WDR33: variants seen among roughly 807,000 people sequenced by gnomAD.
The protein encoded by WDR33 is pre-mRNA 3' end processing protein WDR33.
A neutral mutation model predicts 164.9 loss-of-function variants in WDR33; 47 were observed. That is an observed-to-expected ratio of 0.29 (90% CI 0.23 to 0.36). WDR33 has a LOEUF of 0.36. Ranked by LOEUF, WDR33 falls within the 10% of genes least tolerant of loss-of-function variation. The pLI, the probability that WDR33 is intolerant of heterozygous loss-of-function variation, is 1.00. For missense variants in WDR33, 1,137 were observed against 1,754.1 expected (o/e 0.65, Z 6.28); for synonymous variants, 505 against 589.0 (o/e 0.86, Z 2.06).
At position 127,764,735 on chromosome 2, in the gene WDR33, C is replaced by CA. The variant is rs770200968; in HGVS notation, c.626+92dup. ...GTGCAGAAAGTTTCCCAGAAACTGA[C>CA]AGAGCCCATGCATCTCTGCACCCAG... On this transcript the variant is annotated intron_variant, in intron 6 of 21. Coordinates refer to ENST00000322313, the MANE Select transcript of WDR33 (RefSeq NM_018383.5). The surrounding 1 kb of genome is among the most constrained non-coding windows in gnomAD (Gnocchi z 6.2). 1 of 1,614,116 alleles carries CA rather than the reference C, an allele frequency of 6.2e-7. No homozygotes were observed. The highest frequency in any genetic ancestry group is 8.5e-7 in the Non-Finnish European group (1 of 1,180,004).
chr2:127,795,079 T>G (rs189217585), intron 1 of WDR33, among the ~76,000 whole-genome samples: 4 of 150,716 alleles, frequency 2.7e-5, no homozygotes, highest in Non-Finnish European at 1.5e-5. Flanking sequence ...ACAAGGGAAG[T>G]AAGTTATGAA....
chr2:127,709,782 T>C lies in WDR33; in HGVS notation c.3383A>G (p.Glu1128Gly), dbSNP rs1686110493. 6.2e-7 allele frequency: 1 copy of C among 1,614,178 alleles called. No individual in the cohort carries two copies. The highest frequency in any genetic ancestry group is 1.1e-5 in the South Asian group (1 of 91,082). ...AAAATTCTCCTCTGGACCAAAGTCT[T>C]CAGGACCAGGAAAACCATCCCTTCC... Reference protein sequence around the residue: ...PRGRDGFPGPEDFGPEENFDA... With the variant: ...PRGRDGFPGPGDFGPEENFDA... Residue 1128 changes from glutamate to glycine, a missense_variant, in exon 19 of 22, where the codon GAA (glutamate) becomes GGA (glycine). Physicochemically the swap from Glu to Gly is moderately conservative, Grantham distance 98. Around this residue, in one of 9 missense-constraint regions of WDR33, gnomAD observed 867 missense variants for 1,073.0 expected, o/e 0.81. Coordinates refer to ENST00000322313, the MANE Select transcript of WDR33 (RefSeq NM_018383.5). The surrounding 1 kb of genome is among the most constrained non-coding windows in gnomAD (Gnocchi z 5.0).
chr2:127,777,046 G>A (rs928424216), intron 1 of WDR33, among the ~76,000 whole-genome samples: 10 of 152,216 alleles, frequency 6.6e-5, no homozygotes, highest in African/African-American at 2.2e-4. Flanking sequence ...GAGACAAAGA[G>A]TTTGGGAAAG....
At chr2:127,733,226 C>T (rs1443180534) in intron 7 of WDR33, among the ~76,000 whole-genome samples, 1 of 152,078 alleles carries the variant, frequency 6.6e-6, no homozygotes, top group Non-Finnish European at 1.5e-5. Context: ...GATAAAATTC[C>T]GAACAGCACC....
At chr2:127,728,129 A>G (rs1294120181) in intron 7 of WDR33, among the ~76,000 whole-genome samples, 1 of 152,192 alleles carries the variant, frequency 6.6e-6, no homozygotes, top group Non-Finnish European at 1.5e-5. Context: ...TTAGGAAATA[A>G]TGGATGTGCA....
intron 7 of WDR33, among the ~76,000 whole-genome samples, chr2:127,732,296 G>C (rs575741486): frequency 6.6e-6 from 1 of 151,724 alleles, no homozygotes; most frequent in South Asian, 2.1e-4. Flanking sequence ...CTATACTCTT[G>C]AACTTTTTTC....
At position 127,718,820 on chromosome 2, in the gene WDR33, C is replaced by G. The variant is rs1490474913; in HGVS notation, c.2760+445G>C. 6.6e-6 allele frequency among the ~76,000 whole-genome samples: 1 copy of G among 152,122 alleles called. No homozygotes were observed. The highest frequency in any genetic ancestry group is 2.4e-5 in the African/African-American group (1 of 41,422). ...TCCTATCTTTTAAAAGTAGAGTTGG[C>G]AGACAGGAAGTGATTCTGTGGCTGG... is the stretch of plus-strand genomic sequence containing the variant. On this transcript the variant is annotated intron_variant, in intron 16 of 21. Coordinates refer to ENST00000322313, the MANE Select transcript of WDR33 (RefSeq NM_018383.5). The surrounding 1 kb of genome is among the most constrained non-coding windows in gnomAD (Gnocchi z 4.4).
intron 7 of WDR33, among the ~76,000 whole-genome samples, chr2:127,753,246 A>C (rs1418710488): frequency 6.6e-6 from 1 of 152,234 alleles, no homozygotes; most frequent in Non-Finnish European, 1.5e-5. Context: ...GACTTCAAAA[A>C]GACCAATTCT....
At position 127,723,574 on chromosome 2, in the gene WDR33, T is replaced by C. The variant is rs934123454; in HGVS notation, c.1197-227A>G. Among the ~76,000 whole-genome samples the C allele has an allele frequency of 6.0e-5, 9 of 150,506 alleles. No individual in the cohort carries two copies. Among genetic ancestry groups the C allele is most frequent in the African/African-American group, 2.2e-4 (9 of 40,676 alleles). ...GAGTCCAAGACCAGCCTGGGCAACA[T>C]AGCGAAACCCTGTCTCTACAAAATA... On this transcript the variant is annotated intron_variant, in intron 11 of 21. Coordinates refer to ENST00000322313, the MANE Select transcript of WDR33 (RefSeq NM_018383.5). This position sits in a 1 kb window ranked among gnomAD's most constrained non-coding sequence, Gnocchi z 5.9.
In WDR33 at chr2:127,770,241, A is replaced by G. The variant is rs1558946729; in HGVS notation, c.204+537T>C. ...TCTAAAATGGAGTCTAACTTTAATA[A>G]TTTTTTAGAAGATGATACAGGCACA... On this transcript the variant is annotated intron_variant, in intron 2 of 21. Coordinates refer to ENST00000322313, the MANE Select transcript of WDR33 (RefSeq NM_018383.5). The surrounding 1 kb of genome is among the most constrained non-coding windows in gnomAD (Gnocchi z 4.9). 1.3e-5 allele frequency among the ~76,000 whole-genome samples: 2 copies of G among 152,212 alleles called. No individual in the cohort carries two copies. Among genetic ancestry groups the G allele is most frequent in the African/African-American group, 2.4e-5 (1 of 41,442 alleles).
At chr2:127,739,107 A>AT (rs1314123228) in intron 7 of WDR33, among the ~76,000 whole-genome samples, 1 of 152,256 alleles carries the variant, frequency 6.6e-6, no homozygotes, top group Non-Finnish European at 1.5e-5. Flanking sequence ...AACATATTAT[A>AT]AACAATACCA....
At chr2:127,753,838 C>A (rs1214464561) in intron 7 of WDR33, among the ~76,000 whole-genome samples, 2 of 151,446 alleles carry the variant, frequency 1.3e-5, no homozygotes, top group Admixed American at 1.3e-4. Context: ...GAGATAAAAA[C>A]CACAAAAATC....
In WDR33 at chr2:127,719,917, C is replaced by A. The variant is rs1686392863; in HGVS notation, c.2108G>T (p.Gly703Val). The A allele has an allele frequency of 6.2e-7, 1 of 1,613,840 alleles. No homozygotes were observed. The highest frequency in any genetic ancestry group is 1.3e-5 in the African/African-American group (1 of 74,892). Residue 703 changes from glycine to valine, a missense_variant, in exon 16 of 22, where the codon GGT becomes GTT. Physicochemically the swap from Gly to Val is moderately radical, Grantham distance 109 (BLOSUM62 -3). Around this residue, in one of 9 missense-constraint regions of WDR33, gnomAD observed 867 missense variants for 1,073.0 expected, o/e 0.81. Transcript: ENST00000322313. This position sits in a 1 kb window ranked among gnomAD's most constrained non-coding sequence, Gnocchi z 6.5. The stretch of plus-strand genomic sequence containing the variant: ...AGGTGGACCCTGAGGACCCATATGA[C>A]CTTGAGGACCAGAACTACCTTGTGG... ...PGPQGSSGPQ[G>V]HMGPQGPPGP... is the part of the protein sequence containing the mutation.
intron 7 of WDR33, chr2:127,737,880 T>A: frequency 6.9e-7 from 1 of 1,448,546 alleles, no homozygotes; most frequent in Admixed American, 2.9e-5. Context: ...AGTAGAAGAG[T>A]AGTTAACCCA....
At position 127,714,565 on chromosome 2, in the gene WDR33, G is replaced by T. The variant is rs1014618443; in HGVS notation, c.2870-544C>A. On this transcript the variant is annotated intron_variant, in intron 17 of 21. Coordinates refer to ENST00000322313, the MANE Select transcript of WDR33 (RefSeq NM_018383.5). The surrounding 1 kb of genome is among the most constrained non-coding windows in gnomAD (Gnocchi z 4.3). Reference sequence around the variant, plus strand: ...GCAATCACCAGCCTCTCAAATACCTGCCTGATGACCAAACAGCCCTGCTGG... The same window carrying T: ...GCAATCACCAGCCTCTCAAATACCTTCCTGATGACCAAACAGCCCTGCTGG... 2.6e-5 allele frequency among the ~76,000 whole-genome samples: 4 copies of T among 152,146 alleles called. No individual in the cohort carries two copies. Among genetic ancestry groups the T allele is most frequent in the Non-Finnish European group, 4.4e-5 (3 of 68,022 alleles).
intron 7 of WDR33, among the ~76,000 whole-genome samples, chr2:127,759,687 T>C (rs988018143): frequency 6.6e-6 from 1 of 151,626 alleles, no homozygotes; most frequent in African/African-American, 2.4e-5. Context: ...GAAGACTTGG[T>C]CTCAAAAATA....
chr2:127,764,608 T>C lies in WDR33; in HGVS notation c.626+220A>G. ...TGCAAAATGCGGCAGACAGTACATC[T>C]CTAACATATTGCAAAGGCTGATACC... On this transcript the variant is annotated intron_variant, in intron 6 of 21. Transcript: ENST00000322313. The surrounding 1 kb of genome is among the most constrained non-coding windows in gnomAD (Gnocchi z 6.2). The C allele has an allele frequency of 6.4e-7, 1 of 1,553,192 alleles. No homozygotes were observed. The highest frequency in any genetic ancestry group is 8.7e-7 in the Non-Finnish European group (1 of 1,147,512).
chr2:127,724,556 C>G lies in WDR33; in HGVS notation c.1086-113G>C. ...TAAAATGAAGCTACCAAAGCCTGGA[C>G]TTGGACTCTGGTGAATTCCACATGT... On this transcript the variant is annotated intron_variant, in intron 10 of 21. Transcript: ENST00000322313. This position sits in a 1 kb window ranked among gnomAD's most constrained non-coding sequence, Gnocchi z 4.8. The G allele has an allele frequency of 1.1e-6, 1 of 909,476 alleles. No individual in the cohort carries two copies. The highest frequency in any genetic ancestry group is 2.6e-5 in the East Asian group (1 of 39,130). 56.3% of individuals were successfully genotyped at this position (909,476 alleles called of 1,614,324 possible).
At position 127,770,453 on chromosome 2, in the gene WDR33, A is replaced by G. The variant is rs138117102; in HGVS notation, c.204+325T>C. On this transcript the variant is annotated intron_variant, in intron 2 of 21. Coordinates refer to ENST00000322313, the MANE Select transcript of WDR33 (RefSeq NM_018383.5). This position sits in a 1 kb window ranked among gnomAD's most constrained non-coding sequence, Gnocchi z 4.9. Reference sequence around the variant, plus strand: ...GCCTGTAATCCCAGCACTTTGGGAGACTGAGGCAGGTGGATCACCTGAGGT... The same window carrying G: ...GCCTGTAATCCCAGCACTTTGGGAGGCTGAGGCAGGTGGATCACCTGAGGT... 0.021 allele frequency among the ~76,000 whole-genome samples: 3,235 copies of G among 152,054 alleles called. 123 individuals are homozygous for G. The highest frequency in any genetic ancestry group is 0.075 in the African/African-American group (3,108 of 41,470).
Sources: gnomAD v4.1 joint callset for allele counts (sites outside exome capture counted in the v4.1 genomes callset) on GRCh38, gnomAD v4.1.1 for gene constraint, gnomAD v4.1.1 regional missense constraint, Gnocchi (gnomAD v3.1) non-coding constraint, MANE v1.5 for transcripts, NCBI Gene and HGNC (gene_info 2026-07-23, HGNC 2026-07-21) for gene names.